The following FCN2 variants were observed in gnomAD, a reference collection of about 807,000 sequenced individuals.
FCN2 encodes ficolin 2, also known as ficolin-2.
In FCN2, 31 loss-of-function variants were observed where a neutral mutation model predicts 32.5. The observed-to-expected ratio is 0.96, with a 90% CI of 0.72 to 1.29. FCN2 has a LOEUF of 1.29. Ranked by LOEUF, FCN2 falls within the 50% of genes most tolerant of loss-of-function variation. FCN2 has a pLI of 0.00. For synonymous variants in FCN2, 181 were observed against 164.5 expected, an observed-to-expected ratio of 1.10 and a Z score of -0.77; for missense variants, 412 against 406.5, an observed-to-expected ratio of 1.01 and a Z score of -0.12.
chr9:134,873,916 TTTTTTG>T, the FCN2 span, among the ~76,000 whole-genome samples: 22,003 of 103,236 alleles, frequency 0.21, 1,901 homozygotes, highest in African/African-American at 0.31. Context: ...TTTGTTTTTG[TTTTTTG>T]TTTTTTGATA....
the FCN2 span, among the ~76,000 whole-genome samples, chr9:134,867,834 C>T: frequency 6.6e-6 from 1 of 152,148 alleles, no homozygotes; most frequent in Non-Finnish European, 1.5e-5. Context: ...AATGCTTTGT[C>T]AGCCCCAATT....
At chr9:134,865,639 TA>T in the FCN2 span, among the ~76,000 whole-genome samples, 35 of 150,220 alleles carry the variant, frequency 2.3e-4, no homozygotes, top group African/African-American at 7.1e-4. Context: ...TGAGGACAGA[TA>T]AAAAAAAAAT....
At chr9:134,884,956 A>G (rs1485732546) in intron 4 of FCN2, among the ~76,000 whole-genome samples, 184 bp downstream of exon 4, 1 of 152,232 alleles carries the variant, frequency 6.6e-6, no homozygotes, top group African/African-American at 2.4e-5. Flanking sequence ...CAACTTACAT[A>G]CACTCCATGG....
In FCN2 at chr9:134,886,427, C is replaced by T. The variant is rs1830756439; in HGVS notation, c.560-3C>T. On this transcript the variant is annotated splice_polypyrimidine_tract_variant and splice_region_variant and intron_variant, in intron 6 of 7. Coordinates refer to ENST00000291744, the MANE Select transcript of FCN2 (RefSeq NM_004108.3). ...CTGAGACCCTGAAACCTTTCTCTAACAGGAACCAGCGAGCTCCGTGTAGAC... is the reference window on the plus strand; with the variant it reads ...CTGAGACCCTGAAACCTTTCTCTAATAGGAACCAGCGAGCTCCGTGTAGAC... 2 of 1,614,190 alleles carry T rather than the reference C, an allele frequency of 1.2e-6. No individual in the cohort carries two copies. The highest frequency in any genetic ancestry group is 1.7e-6 in the Non-Finnish European group (2 of 1,180,014).
chr9:134,885,702 C>G, intron 5 of FCN2, 66 bp from the exon 6 acceptor site: 1 of 1,605,220 alleles, frequency 6.2e-7, no homozygotes. Flanking sequence ...CTCTGGAGGG[C>G]GGGTCCCCCG....
the FCN2 span, among the ~76,000 whole-genome samples, chr9:134,868,763 C>A: frequency 6.6e-6 from 1 of 152,230 alleles, no homozygotes; most frequent in African/African-American, 2.4e-5. The surrounding 1 kb of genome is among the most constrained non-coding windows in gnomAD (Gnocchi z 4.3). Flanking sequence ...TGGCCGTTTG[C>A]CCTGCCCTGA....
chr9:134,878,992 T>A (rs1020787488), upstream of FCN2, among the ~76,000 whole-genome samples: 1 of 152,254 alleles, frequency 6.6e-6, no homozygotes, highest in East Asian at 1.9e-4. Context: ...ACTAAACACC[T>A]TCAAACATTG....
At chr9:134,870,618 T>C in the FCN2 span, among the ~76,000 whole-genome samples, 4,708 of 152,152 alleles carry the variant, frequency 0.031, 116 homozygotes, top group South Asian at 0.095. This position sits in a 1 kb window ranked among gnomAD's most constrained non-coding sequence, Gnocchi z 4.3. Context: ...GACCCTGCCC[T>C]GAGCACAGAG....
At chr9:134,867,547 G>A in the FCN2 span, among the ~76,000 whole-genome samples, 5 of 148,676 alleles carry the variant, frequency 3.4e-5, no homozygotes, top group Non-Finnish European at 7.4e-5. Context: ...GCTAGATGAC[G>A]AGTTAGTGGG....
chr9:134,885,151 C>A, intron 4 of FCN2, 88 bp from the exon 5 acceptor site: 1 of 1,569,124 alleles, frequency 6.4e-7, no homozygotes, highest in Non-Finnish European at 8.7e-7. Context: ...GCCTATGGCC[C>A]TGCTTCTTCC....
In FCN2 at chr9:134,885,904, C is replaced by T. The variant is rs759265998; in HGVS notation, c.559+7C>T. ...CACGCCCTGACCGCCCAGGGTAGGG[C>T]CGCTGCTGGGGCTTGGGGGTCGGGG... is the stretch of plus-strand genomic sequence containing the variant. On this transcript the variant is annotated splice_region_variant and intron_variant, in intron 6 of 7. Transcript: ENST00000291744. 3 of 1,609,020 alleles carry T rather than the reference C, an allele frequency of 1.9e-6. No individual in the cohort carries two copies. The Admixed American group carries it at 5.0e-5, about 27-fold the overall frequency.
the FCN2 span, among the ~76,000 whole-genome samples, chr9:134,874,746 T>G: frequency 3.3e-3 from 505 of 152,354 alleles, 6 homozygotes; most frequent in African/African-American, 0.012. Context: ...ATTAAAAAGC[T>G]GCTGGGATTT....
upstream of FCN2, among the ~76,000 whole-genome samples, chr9:134,877,894 C>G (rs1290032473): frequency 6.6e-6 from 1 of 152,144 alleles, no homozygotes; most frequent in Non-Finnish European, 1.5e-5. Context: ...AGTATTGATC[C>G]TGGGTGTTTC....
chr9:134,865,366 C>T, the FCN2 span, among the ~76,000 whole-genome samples: 25,430 of 152,062 alleles, frequency 0.17, 2,373 homozygotes, highest in Admixed American at 0.27. Context: ...CCCTAGTAGG[C>T]GCCATGGTCT....
upstream of FCN2, among the ~76,000 whole-genome samples, chr9:134,875,827 A>G (rs1830599384): frequency 1.3e-5 from 2 of 152,218 alleles, no homozygotes; most frequent in African/African-American, 4.8e-5. Context: ...GTTGCTTTTG[A>G]GACCTTAGCA....
upstream of FCN2, among the ~76,000 whole-genome samples, chr9:134,879,224 G>A (rs1401894774): frequency 6.6e-6 from 1 of 152,166 alleles, no homozygotes; most frequent in East Asian, 1.9e-4. Flanking sequence ...GCCATTTTCT[G>A]TTGAAGTTAT....
chr9:134,872,090 G>A, the FCN2 span, among the ~76,000 whole-genome samples: 10 of 152,186 alleles, frequency 6.6e-5, no homozygotes, highest in African/African-American at 2.4e-4. Context: ...TATTTTAAGG[G>A]TCATGATGTT....
the FCN2 span, among the ~76,000 whole-genome samples, chr9:134,875,074 C>T: frequency 3.3e-5 from 5 of 152,044 alleles, no homozygotes; most frequent in Admixed American, 2.6e-4. Flanking sequence ...CTTTGTAGTT[C>T]TAGCAGATTT....
intron 7 of FCN2, 123 bp from the exon 8 acceptor site, chr9:134,887,045 G>A (rs1451521034): frequency 8.9e-7 from 1 of 1,120,378 alleles, no homozygotes; most frequent in Non-Finnish European, 1.4e-6. Flanking sequence ...CTTGGATTGT[G>A]CAGTGCACAA....
Sources: allele counts gnomAD v4.1 joint callset (sites outside exome capture counted in the v4.1 genomes callset), GRCh38; gene constraint gnomAD v4.1.1; non-coding constraint Gnocchi (gnomAD v3.1); transcripts MANE v1.5; gene names NCBI Gene and HGNC (gene_info 2026-07-23, HGNC 2026-07-21).